The following RALGAPA2 variants were observed in gnomAD, a reference collection of about 807,000 sequenced individuals.
RALGAPA2 encodes the protein ral GTPase-activating protein subunit alpha-2.
RALGAPA2 carries 139 observed loss-of-function variants against 230.4 expected under a neutral mutation model. The ratio of observed to expected loss-of-function variants is 0.60; its 90% confidence interval spans 0.53 to 0.69. The LOEUF (loss-of-function observed/expected upper bound fraction) is 0.69. Among genes scored for constraint, RALGAPA2 ranks in the 30% least tolerant of loss-of-function variants. The probability of loss-of-function intolerance (pLI) is 0.00; values close to 1 mark genes in which losing one functional copy is unlikely to be tolerated. For missense variants in RALGAPA2, 2,163 were observed against 2,276.0 expected, an observed-to-expected ratio of 0.95 and a Z score of 1.01; for synonymous variants, 847 against 837.8, an observed-to-expected ratio of 1.01 and a Z score of -0.19.
Position 20,423,620 on chromosome 20 carries a change from G to C in RALGAPA2, c.5496-11472C>G, listed in dbSNP as rs78066969. ...ATAAAATTCCATAATGAGCAAGACA[G>C]GAACAGATGCCAGTTACATCCTAAA... is the stretch of plus-strand genomic sequence containing the variant. On this transcript the variant is annotated intron_variant, in intron 37 of 39. Coordinates refer to ENST00000202677, the MANE Select transcript of RALGAPA2 (RefSeq NM_020343.4). 2.1e-3 allele frequency among the ~76,000 whole-genome samples: 326 copies of C among 152,262 alleles called. 11 individuals are homozygous for C. In the East Asian group the frequency reaches 0.056, roughly 26 times the overall value.
intron 13 of RALGAPA2, among the ~76,000 whole-genome samples, chr20:20,613,140 T>C (rs567308117): frequency 4.6e-5 from 7 of 152,346 alleles, no homozygotes; most frequent in South Asian, 2.1e-4. Flanking sequence ...TTCCTTATAG[T>C]AGAAAGATTC....
Position 20,390,253 on chromosome 20 carries a change from T to C in RALGAPA2, c.*3036A>G, listed in dbSNP as rs2122559273. On this transcript the variant is annotated 3_prime_UTR_variant, in exon 40 of 40. Coordinates refer to ENST00000202677, the MANE Select transcript of RALGAPA2 (RefSeq NM_020343.4). ...CTTGTAAGGCTGAGGGTCTGATCAATCAACCTATGTCACCAAGTTTGGGTC... is the reference window on the plus strand; with the variant it reads ...CTTGTAAGGCTGAGGGTCTGATCAACCAACCTATGTCACCAAGTTTGGGTC... The C allele has an allele frequency of 6.6e-6, 1 of 152,312 alleles. No individual in the cohort carries two copies. Among genetic ancestry groups the C allele is most frequent in the Non-Finnish European group, 1.5e-5 (1 of 68,032 alleles). The allele number at this position is 152,312 out of a possible 1,614,324, so 9.4% of individuals were successfully genotyped here.
intron 37 of RALGAPA2, among the ~76,000 whole-genome samples, chr20:20,431,019 T>A (rs1339116983): frequency 6.6e-6 from 1 of 152,082 alleles, no homozygotes; most frequent in African/African-American, 2.4e-5. Context: ...TGTGAACAAA[T>A]GTGCAAGGCA....
At chr20:20,680,058 C>T (rs1272200139) in intron 2 of RALGAPA2, among the ~76,000 whole-genome samples, 7 of 152,138 alleles carry the variant, frequency 4.6e-5, no homozygotes, top group African/African-American at 1.2e-4. Flanking sequence ...ACCTGTTTAA[C>T]GCTGACAGGA....
chr20:20,567,280 T>C (rs1260057914), intron 23 of RALGAPA2, among the ~76,000 whole-genome samples: 1 of 152,236 alleles, frequency 6.6e-6, no homozygotes, highest in African/African-American at 2.4e-5. Context: ...AAACTGTTTT[T>C]AATAAATCCA....
intron 23 of RALGAPA2, among the ~76,000 whole-genome samples, chr20:20,557,768 C>T (rs1200835144): frequency 6.6e-6 from 1 of 152,160 alleles, no homozygotes; most frequent in African/African-American, 2.4e-5. Flanking sequence ...TCCTTTGGAA[C>T]CATAAAAACT....
chr20:20,558,375 C>T (rs540206544), intron 23 of RALGAPA2, among the ~76,000 whole-genome samples: 5 of 152,176 alleles, frequency 3.3e-5, no homozygotes, highest in African/African-American at 1.2e-4. Context: ...ACTCACTTTA[C>T]CTAATAATCA....
intron 19 of RALGAPA2, among the ~76,000 whole-genome samples, chr20:20,584,464 C>G (rs1184460587): frequency 3.3e-5 from 5 of 152,090 alleles, no homozygotes; most frequent in Admixed American, 3.3e-4. Context: ...TTTTGTCAAT[C>G]CTAGGATTCC....
At chr20:20,693,889 G>A (rs192372980) in intron 1 of RALGAPA2, among the ~76,000 whole-genome samples, 45 of 152,254 alleles carry the variant, frequency 3.0e-4, no homozygotes, top group African/African-American at 1.1e-3. Context: ...CAGATCACTT[G>A]AGCCCAGAGT....
intron 1 of RALGAPA2, among the ~76,000 whole-genome samples, chr20:20,690,671 C>A (rs755419675): frequency 1.1e-4 from 16 of 152,048 alleles, no homozygotes; most frequent in Non-Finnish European, 2.2e-4. Context: ...GAAGTCCCCT[C>A]AGCACACTGC....
At chr20:20,571,370 G>A in intron 23 of RALGAPA2, 88 bp downstream of exon 23, 1 of 1,345,246 alleles carries the variant, frequency 7.4e-7, no homozygotes, top group South Asian at 1.5e-5. Flanking sequence ...CACTTCTGAT[G>A]TATTTTCATA....
In RALGAPA2 at chr20:20,578,673, A is replaced by G. The variant is rs1451020592; in HGVS notation, c.2707+4377T>C. 3.3e-5 allele frequency among the ~76,000 whole-genome samples: 5 copies of G among 152,212 alleles called. No homozygotes were observed. The East Asian group carries it at 9.6e-4, about 29-fold the overall frequency. ...GCTAGGCACAGTGTTAAAGAAATGT[A>G]GCCTCGGTCTCTGAAAAAAATTTTC... On this transcript the variant is annotated intron_variant, in intron 20 of 39. Coordinates refer to ENST00000202677, the MANE Select transcript of RALGAPA2 (RefSeq NM_020343.4).
At chr20:20,423,197 G>T (rs1248381410) in intron 37 of RALGAPA2, among the ~76,000 whole-genome samples, 1 of 152,178 alleles carries the variant, frequency 6.6e-6, no homozygotes, top group Admixed American at 6.5e-5. Flanking sequence ...AGGGACCTGA[G>T]GAGGAGGGCA....
In RALGAPA2 at chr20:20,391,542, G is replaced by C. The variant is rs1418634423; in HGVS notation, c.*1747C>G. 1 of 152,188 alleles carries C rather than the reference G, an allele frequency of 6.6e-6. No homozygotes were observed. Among genetic ancestry groups the C allele is most frequent in the East Asian group, 1.9e-4 (1 of 5,190 alleles). 9.4% of individuals were successfully genotyped at this position (152,188 alleles called of 1,614,324 possible). Reference sequence around the variant, plus strand: ...CCAGGATGAGCAGGCCCGCCCTTCCGACAGGAACGACTGGCTCAGCTCTTT... The same window carrying C: ...CCAGGATGAGCAGGCCCGCCCTTCCCACAGGAACGACTGGCTCAGCTCTTT... On this transcript the variant is annotated 3_prime_UTR_variant, in exon 40 of 40. Coordinates refer to ENST00000202677, the MANE Select transcript of RALGAPA2 (RefSeq NM_020343.4).
At chr20:20,709,315 T>C (rs936360402) in intron 1 of RALGAPA2, among the ~76,000 whole-genome samples, 5 of 149,922 alleles carry the variant, frequency 3.3e-5, no homozygotes, top group Non-Finnish European at 5.9e-5. Flanking sequence ...TGAGACTCCA[T>C]CTCAAAAAAA....
intron 16 of RALGAPA2, among the ~76,000 whole-genome samples, chr20:20,597,101 CT>C (rs1359720988): frequency 6.6e-6 from 1 of 152,050 alleles, no homozygotes; most frequent in African/African-American, 2.4e-5. Context: ...GAAGAGATTT[CT>C]TGTGGGAACA....
At chr20:20,478,012 T>C (rs1345388881) in intron 36 of RALGAPA2, among the ~76,000 whole-genome samples, 1 of 152,226 alleles carries the variant, frequency 6.6e-6, no homozygotes, top group Non-Finnish European at 1.5e-5. Flanking sequence ...GCCTCTCTTC[T>C]AGGTTATAAA....
intron 16 of RALGAPA2, among the ~76,000 whole-genome samples, chr20:20,594,732 T>C (rs955456900): frequency 6.0e-5 from 9 of 149,290 alleles, no homozygotes; most frequent in African/African-American, 1.5e-4. Context: ...TACTTTCTTT[T>C]TTTTTTTTTT....
intron 37 of RALGAPA2, among the ~76,000 whole-genome samples, chr20:20,439,974 C>A (rs1478990195): frequency 6.6e-6 from 1 of 152,168 alleles, no homozygotes; most frequent in Non-Finnish European, 1.5e-5. Flanking sequence ...TTCCTATTAA[C>A]AAAAACTTAA....
Sources: gnomAD v4.1 joint callset for allele counts (sites outside exome capture counted in the v4.1 genomes callset) on GRCh38, gnomAD v4.1.1 for gene constraint, MANE v1.5 for transcripts, NCBI Gene and HGNC (gene_info 2026-07-23, HGNC 2026-07-21) for gene names.